KAT6A: variants seen among roughly 807,000 people sequenced by gnomAD.
KAT6A encodes the protein lysine acetyltransferase 6A, also known as histone acetyltransferase KAT6A.
Under a neutral mutation model 198.4 loss-of-function variants are expected in KAT6A, and 9 were observed. That is an observed-to-expected ratio of 0.05 (90% CI 0.03 to 0.08). The LOEUF is 0.08. Among genes scored for constraint, KAT6A ranks in the 10% least tolerant of loss-of-function variants. The pLI, the probability that KAT6A is intolerant of heterozygous loss-of-function variation, is 1.00. For missense variants in KAT6A, 2,077 were observed against 2,509.9 expected, an observed-to-expected ratio of 0.83 and a Z score of 3.69; for synonymous variants, 890 against 883.0, an observed-to-expected ratio of 1.01 and a Z score of -0.14.
intron 2 of KAT6A, among the ~76,000 whole-genome samples, chr8:42,000,818 T>C (rs1352000145): frequency 6.6e-6 from 1 of 152,130 alleles, no homozygotes; most frequent in Non-Finnish European, 1.5e-5. Context: ...GCAAAAATCA[T>C]TATACGCTCC....
chr8:41,941,089 C>G lies in KAT6A; in HGVS notation c.2792G>C (p.Gly931Ala). Residue 931 changes from glycine (G) to alanine (A), a missense_variant, in exon 15 of 17, where the codon GGG becomes GCG. This residue lies in a region of KAT6A where 301 missense variants were observed against 272.2 expected (regional missense o/e 1.11). Transcript: ENST00000265713. ...VASEEQPSQD[G>A]KPDLPKRRLS... is the part of the protein sequence containing the mutation. The stretch of plus-strand genomic sequence containing the variant: ...TCTTCTCTTGGGAAGGTCAGGTTTC[C>G]CGTCCTGGCTTGGCTGCTCCTCAGA... 6.2e-7 allele frequency: 1 copy of G among 1,614,186 alleles called. No homozygotes were observed. Among genetic ancestry groups the G allele is most frequent in the East Asian group, 2.2e-5 (1 of 44,880 alleles).
At position 41,931,017 on chromosome 8, in the gene KAT6A, C is replaced by A. The variant is rs1029959828; in HGVS notation, c.*1188G>T. 16 of 213,456 alleles carry A rather than the reference C, an allele frequency of 7.5e-5. No individual in the cohort carries two copies. Among genetic ancestry groups the A allele is most frequent in the Non-Finnish European group, 1.4e-4 (15 of 105,718 alleles). 13.2% of individuals were successfully genotyped at this position (213,456 alleles called of 1,614,324 possible). A position where few individuals can be genotyped will look rare whatever the true frequency, so the allele number is the denominator to read the frequency against. On this transcript the variant is annotated 3_prime_UTR_variant, in exon 17 of 17. Coordinates refer to ENST00000265713, the MANE Select transcript of KAT6A (RefSeq NM_006766.5). The stretch of plus-strand genomic sequence containing the variant: ...GAGGTATGTATCACTTAAATAGCTA[C>A]GAAACTCACACCGTGATCTCCCTTC...
intron 3 of KAT6A, among the ~76,000 whole-genome samples, chr8:41,985,471 G>C (rs1233418393): frequency 6.6e-6 from 1 of 152,176 alleles, no homozygotes; most frequent in Non-Finnish European, 1.5e-5. Flanking sequence ...ACAAAGCAAA[G>C]ATCATCCTCC....
At chr8:41,946,742 G>T in intron 11 of KAT6A, 58 bp from the exon 12 acceptor site, 1 of 1,015,282 alleles carries the variant, frequency 9.8e-7, no homozygotes. Flanking sequence ...GAATAATAAC[G>T]TGAATTAAGA....
intron 2 of KAT6A, among the ~76,000 whole-genome samples, chr8:42,032,871 C>CTTTTTTTTTTTTTTTTTTTTTTT (rs1163323345): frequency 1.3e-5 from 1 of 76,518 alleles, no homozygotes; most frequent in African/African-American, 5.7e-5. Flanking sequence ...AAAACCTTGG[C>CTTTTTTTTTTTTTTTTTTTTTTT]TTTTTTTTTT....
intron 2 of KAT6A, among the ~76,000 whole-genome samples, chr8:42,033,003 C>CAG (rs1256332425): frequency 2.0e-5 from 3 of 151,412 alleles, no homozygotes; most frequent in African/African-American, 7.3e-5. Context: ...CCTCAGCCTC[C>CAG]AAGTAGCTGG....
chr8:42,009,781 TC>T (rs2150907613), intron 2 of KAT6A, among the ~76,000 whole-genome samples: 1 of 148,158 alleles, frequency 6.7e-6, no homozygotes, highest in South Asian at 2.1e-4. Context: ...GCACCTGTGG[TC>T]CCAGCTACAT....
chr8:41,972,213 G>C (rs1215011248), intron 8 of KAT6A, among the ~76,000 whole-genome samples: 2 of 152,128 alleles, frequency 1.3e-5, no homozygotes, highest in African/African-American at 4.8e-5. Flanking sequence ...AGAAGAAAAA[G>C]CTTCTCCTTA....
intron 10 of KAT6A, 141 bp from the exon 11 acceptor site, chr8:41,948,053 A>G (rs1822482838): frequency 3.5e-6 from 2 of 576,696 alleles, no homozygotes; most frequent in Admixed American, 7.9e-5. Context: ...TGGAACCTGG[A>G]AGCCATCCTT....
chr8:41,955,926 G>A (rs369955473), intron 8 of KAT6A, among the ~76,000 whole-genome samples: 1 of 152,168 alleles, frequency 6.6e-6, no homozygotes, highest in African/African-American at 2.4e-5. Context: ...GACAAAACAA[G>A]TATCAAGAGA....
At chr8:42,036,939 A>G (rs1827407439) in intron 2 of KAT6A, among the ~76,000 whole-genome samples, 1 of 152,090 alleles carries the variant, frequency 6.6e-6, no homozygotes, top group Admixed American at 6.6e-5. Flanking sequence ...GAAGCATGCT[A>G]TTTCATCATT....
At chr8:41,956,242 C>T (rs574533348) in intron 8 of KAT6A, among the ~76,000 whole-genome samples, 1 of 152,288 alleles carries the variant, frequency 6.6e-6, no homozygotes, top group South Asian at 2.1e-4. Context: ...ACATGACTTG[C>T]TCTGCACCCA....
intron 12 of KAT6A, among the ~76,000 whole-genome samples, chr8:41,944,255 A>G (rs1192360198): frequency 6.6e-6 from 1 of 152,148 alleles, no homozygotes; most frequent in African/African-American, 2.4e-5. Flanking sequence ...AAAAATCAGG[A>G]CTGTTAACAG....
At position 42,005,377 on chromosome 8, in the gene KAT6A, G is replaced by A. The variant is rs548906202; in HGVS notation, c.601-17814C>T. ...ATAAATAAAGCCTTAAGTGTTTAAC[G>A]AGTTTGAAGCCTGAGGACAGTAGCT... On this transcript the variant is annotated intron_variant, in intron 2 of 16. Coordinates refer to ENST00000265713, the MANE Select transcript of KAT6A (RefSeq NM_006766.5). Among the ~76,000 whole-genome samples, 6 of 152,266 alleles carry A rather than the reference G, an allele frequency of 3.9e-5. No individual in the cohort carries two copies. The South Asian group carries it at 6.2e-4, about 16-fold the overall frequency.
chr8:41,963,899 G>A (rs1421387331), intron 8 of KAT6A, among the ~76,000 whole-genome samples: 1 of 151,800 alleles, frequency 6.6e-6, no homozygotes, highest in Non-Finnish European at 1.5e-5. Flanking sequence ...GAGAATACAC[G>A]ATTTCTCACA....
rs1395351821 is a variant in KAT6A at position 41,987,506 on chromosome 8, G to C, written c.658C>G (p.Arg220Gly). 6.2e-7 allele frequency: 1 copy of C among 1,613,648 alleles called. No homozygotes were observed. The highest frequency in any genetic ancestry group is 8.5e-7 in the Non-Finnish European group (1 of 1,179,618). Reference sequence around the variant, plus strand: ...ATGAGTTCCTCTGGCTTCTTTTCTCGGTTTTGTTCTTTTGTACCAAGACAG... The same window carrying C: ...ATGAGTTCCTCTGGCTTCTTTTCTCCGTTTTGTTCTTTTGTACCAAGACAG... ...SFCLGTKEQN[R>G]EKKPEELISC... Residue 220 changes from arginine (R) to glycine (G), a missense_variant, in exon 3 of 17, where the codon CGA becomes GGA. Physicochemically the swap from Arg to Gly is moderately radical, Grantham distance 125 (BLOSUM62 -2). This residue lies in a region of KAT6A where 89 missense variants were observed against 154.4 expected (regional missense o/e 0.58). Transcript: ENST00000265713.
intron 2 of KAT6A, among the ~76,000 whole-genome samples, chr8:42,028,063 T>C (rs1305115419): frequency 6.6e-6 from 1 of 152,212 alleles, no homozygotes; most frequent in Admixed American, 6.5e-5. Flanking sequence ...GTTTCCAAAG[T>C]TCCTCTTCTT....
chr8:41,949,293 T>C lies in KAT6A; in HGVS notation c.1669A>G (p.Met557Val), dbSNP rs1564016822. 3 of 1,580,096 alleles carry C rather than the reference T, an allele frequency of 1.9e-6. No individual in the cohort carries two copies. Among genetic ancestry groups the C allele is most frequent in the East Asian group, 4.6e-5 (2 of 43,102 alleles). ...GGATGGAACCAACCACATTTCTTCATGTGCTGCTGCAGAATAGTTCTACTT... is the reference window on the plus strand; with the variant it reads ...GGATGGAACCAACCACATTTCTTCACGTGCTGCTGCAGAATAGTTCTACTT... ...MKSRTILQQH[M>V]KKCGWFHPPA... The change falls in exon 10 of 17, where the codon ATG becomes GTG. Residue 557 changes from methionine to valine, a missense_variant. Physicochemically the swap from Met to Val is conservative, Grantham distance 21. This residue lies in a region of KAT6A where 46 missense variants were observed against 88.2 expected (regional missense o/e 0.52). Coordinates refer to ENST00000265713, the MANE Select transcript of KAT6A (RefSeq NM_006766.5).
At chr8:41,979,221 T>C (rs539706725) in intron 5 of KAT6A, among the ~76,000 whole-genome samples, 10 of 152,248 alleles carry the variant, frequency 6.6e-5, no homozygotes, top group African/African-American at 2.4e-4. Flanking sequence ...TGAGCCGAGA[T>C]TGCACCACTG....
Sources: gnomAD v4.1 joint callset for allele counts (sites outside exome capture counted in the v4.1 genomes callset) on GRCh38, gnomAD v4.1.1 for gene constraint, gnomAD v4.1.1 regional missense constraint, MANE v1.5 for transcripts, NCBI Gene and HGNC (gene_info 2026-07-23, HGNC 2026-07-21) for gene names.